The following LARGE1 variants were observed in gnomAD, a reference collection of about 807,000 sequenced individuals.
LARGE1 encodes LARGE xylosyl- and glucuronyltransferase 1.
LARGE1 carries 43 observed loss-of-function variants against 87.6 expected under a neutral mutation model. The ratio of observed to expected loss-of-function variants is 0.49; its 90% CI spans 0.38 to 0.63. The LOEUF (loss-of-function observed/expected upper bound fraction) is 0.63, where lower values mean the gene tolerates loss of function less well. Ranked by LOEUF, LARGE1 falls within the 30% of genes least tolerant of loss-of-function variation. LARGE1 has a pLI of 0.00. For synonymous variants in LARGE1, 434 were observed against 394.6 expected (o/e 1.10, Z -1.18); for missense variants, 802 against 1,000.2 (o/e 0.80, Z 2.67).
intron 1 of LARGE1, among the ~76,000 whole-genome samples, chr22:33,896,470 G>A (rs1411124390): frequency 2.0e-5 from 3 of 152,190 alleles, no homozygotes; most frequent in Non-Finnish European, 4.4e-5. Flanking sequence ...AGATCTTAAG[G>A]TACCAGGGGC....
At chr22:33,187,454 G>A (rs1923534577) in intron 11 of LARGE1, among the ~76,000 whole-genome samples, 1 of 152,192 alleles carries the variant, frequency 6.6e-6, no homozygotes, top group African/African-American at 2.4e-5. Context: ...CATAGAAGCA[G>A]AGAGTAGAAT....
At chr22:33,221,351 A>T (rs973763310) in intron 11 of LARGE1, among the ~76,000 whole-genome samples, 1 of 152,114 alleles carries the variant, frequency 6.6e-6, no homozygotes, top group Admixed American at 6.5e-5. Context: ...GCCAATCCTG[A>T]TATTCTTCTG....
intron 7 of LARGE1, among the ~76,000 whole-genome samples, chr22:33,408,702 T>A (rs1244053972): frequency 1.3e-5 from 2 of 151,910 alleles, no homozygotes; most frequent in African/African-American, 4.8e-5. Context: ...TGTCTTTTTT[T>A]TTTTTTTTCT....
At chr22:33,549,100 A>G (rs1364750514) in intron 6 of LARGE1, among the ~76,000 whole-genome samples, 4 of 152,184 alleles carry the variant, frequency 2.6e-5, no homozygotes, top group African/African-American at 7.2e-5. Flanking sequence ...GTTCCTTTAA[A>G]AGGCCCCTCC....
chr22:33,847,043 A>C (rs1227266994), intron 1 of LARGE1, among the ~76,000 whole-genome samples: 1 of 152,166 alleles, frequency 6.6e-6, no homozygotes, highest in African/African-American at 2.4e-5. Flanking sequence ...AAACTCCCTA[A>C]TAAAAACTTC....
chr22:33,867,701 C>T (rs1240796883), intron 1 of LARGE1, among the ~76,000 whole-genome samples: 4 of 152,194 alleles, frequency 2.6e-5, no homozygotes, highest in Non-Finnish European at 4.4e-5. Flanking sequence ...GCAGGCTGGG[C>T]CTCAGAAAGT....
At chr22:33,153,114 C>G in the LARGE1 span, among the ~76,000 whole-genome samples, 4 of 152,156 alleles carry the variant, frequency 2.6e-5, no homozygotes, top group Non-Finnish European at 5.9e-5. Flanking sequence ...AATTCCTTGT[C>G]TGCTACCTTA....
rs1210880992 is a variant in LARGE1 at position 33,273,680 on chromosome 22, C to T, written c.*747G>A. The stretch of plus-strand genomic sequence containing the variant: ...CATGTTTAAATATCGGCCGAAGATG[C>T]TTGACCTCCTTCCTGGGCCACTGCT... On this transcript the variant is annotated 3_prime_UTR_variant, in exon 15 of 15. Transcript: ENST00000397394. 7.5e-6 allele frequency: 3 copies of T among 398,652 alleles called. No individual in the cohort carries two copies. Among genetic ancestry groups the T allele is most frequent in the Non-Finnish European group, 1.3e-5 (3 of 226,372 alleles). 24.7% of individuals were successfully genotyped at this position (398,652 alleles called of 1,614,324 possible).
chr22:33,789,456 GCCCACT>G (rs2085754312), intron 1 of LARGE1, among the ~76,000 whole-genome samples: 1 of 152,178 alleles, frequency 6.6e-6, no homozygotes. Flanking sequence ...CACACAGAGT[GCCCACT>G]GGGGCACTGC....
intron 11 of LARGE1, among the ~76,000 whole-genome samples, chr22:33,168,894 G>A (rs1325343048): frequency 6.6e-6 from 1 of 152,172 alleles, no homozygotes; most frequent in African/African-American, 2.4e-5. Flanking sequence ...TTGGAGTAGT[G>A]GAGCAGCATT....
At chr22:33,666,507 T>C (rs1295776093) in intron 2 of LARGE1, among the ~76,000 whole-genome samples, 2 of 152,192 alleles carry the variant, frequency 1.3e-5, no homozygotes, top group Non-Finnish European at 2.9e-5. Context: ...ATCCTGCTAC[T>C]GCCAATAGAG....
At chr22:33,108,535 G>A in the LARGE1 span, 1 of 152,184 alleles carries the variant, frequency 6.6e-6, no homozygotes, top group South Asian at 2.1e-4. Flanking sequence ...CCTCATCCCT[G>A]TGCACGGTGG....
rs191224702 is a variant in LARGE1 at position 33,485,642 on chromosome 22, C to T, written c.788-53377G>A. Among the ~76,000 whole-genome samples the T allele has an allele frequency of 1.1e-4, 16 of 152,246 alleles. No homozygotes were observed. In the East Asian group the frequency reaches 1.5e-3, roughly 15 times the overall value. ...ATTCCATGACTTTCTGTCACTTAGA[C>T]GTTGTTTTTTAAACTCTTGTCCTGA... On this transcript the variant is annotated intron_variant, in intron 6 of 14. Coordinates refer to ENST00000397394, the MANE Select transcript of LARGE1 (RefSeq NM_133642.5).
At chr22:33,907,679 T>C (rs550579946) in intron 1 of LARGE1, among the ~76,000 whole-genome samples, 5 of 152,206 alleles carry the variant, frequency 3.3e-5, no homozygotes, top group African/African-American at 9.6e-5. Context: ...ACCATTCTCC[T>C]GCCTCAGCCT....
intron 1 of LARGE1, among the ~76,000 whole-genome samples, chr22:33,780,043 G>C (rs1000062844): frequency 1.4e-4 from 21 of 152,156 alleles, no homozygotes; most frequent in Admixed American, 3.3e-4. Flanking sequence ...CAAGGCGCTG[G>C]GGAAAGATCT....
At chr22:33,698,603 C>A (rs1378811671) in intron 2 of LARGE1, among the ~76,000 whole-genome samples, 2 of 152,202 alleles carry the variant, frequency 1.3e-5, no homozygotes, top group Non-Finnish European at 2.9e-5. Flanking sequence ...CTGCGCCCAG[C>A]CAACAAACCC....
chr22:33,922,766 A>G (rs567192345), upstream of LARGE1: 95 of 152,356 alleles, frequency 6.2e-4, 1 homozygote, highest in Middle Eastern at 6.8e-3. Flanking sequence ...TTTAATGCCA[A>G]GTCTTTTAGC....
At chr22:33,366,755 C>G (rs1048043326) in intron 9 of LARGE1, among the ~76,000 whole-genome samples, 14 of 152,140 alleles carry the variant, frequency 9.2e-5, no homozygotes, top group African/African-American at 3.1e-4. Context: ...TTATAAATTA[C>G]CTAGTTTCAG....
chr22:33,281,134 T>C (rs940218871), intron 13 of LARGE1, among the ~76,000 whole-genome samples: 2 of 152,176 alleles, frequency 1.3e-5, no homozygotes, highest in Non-Finnish European at 2.9e-5. Context: ...GCACTTGGCA[T>C]GATGGCTGGC....
Sources: gnomAD v4.1 joint callset for allele counts (sites outside exome capture counted in the v4.1 genomes callset) on GRCh38, gnomAD v4.1.1 for gene constraint, MANE v1.5 for transcripts, NCBI Gene and HGNC (gene_info 2026-07-23, HGNC 2026-07-21) for gene names.